TAS2R4: variants seen among roughly 807,000 people sequenced by gnomAD.
TAS2R4 encodes taste 2 receptor member 4.
In TAS2R4, 18 loss-of-function variants were observed where a neutral mutation model predicts 14.3. The ratio of observed to expected loss-of-function variants is 1.26; its 90% CI spans 0.87 to 1.86. The LOEUF (loss-of-function observed/expected upper bound fraction) is 1.86. TAS2R4 is among the 40% of genes most tolerant of loss of function. TAS2R4 has a pLI of 0.00. For missense variants in TAS2R4, 306 were observed against 342.7 expected (o/e 0.89, Z 0.85); for synonymous variants, 130 against 138.5 (o/e 0.94, Z 0.43).
At position 141,780,217 on chromosome 7, in the gene TAS2R4, A is replaced by G. The variant is rs1223288326; in HGVS notation, c.*829A>G. Reference sequence around the variant, plus strand: ...AGCAAGACTCTGTCTCAAAAAAAGAAATAGACGTACACTCTGGGACAAGAC... The same window carrying G: ...AGCAAGACTCTGTCTCAAAAAAAGAGATAGACGTACACTCTGGGACAAGAC... On this transcript the variant is annotated 3_prime_UTR_variant, in exon 1 of 1. Transcript: ENST00000247881. 1.3e-5 allele frequency: 2 copies of G among 152,272 alleles called. No homozygotes were observed. Among genetic ancestry groups the G allele is most frequent in the African/African-American group, 4.8e-5 (2 of 41,420 alleles). The allele number at this position is 152,272 out of a possible 1,614,324, so 9.4% of individuals were successfully genotyped here.
Position 141,779,397 on chromosome 7 carries a change from C to G in TAS2R4, c.*9C>G. On this transcript the variant is annotated 3_prime_UTR_variant, in exon 1 of 1. Transcript: ENST00000247881. Reference sequence around the variant, plus strand: ...TTTGTTTCAAAAAATAGTGGAATTTCAGTAAACAATACCTAGATTTACCTG... The same window carrying G: ...TTTGTTTCAAAAAATAGTGGAATTTGAGTAAACAATACCTAGATTTACCTG... 6.3e-7 allele frequency: 1 copy of G among 1,589,514 alleles called. No homozygotes were observed. Among genetic ancestry groups the G allele is most frequent in the South Asian group, 1.1e-5 (1 of 87,594 alleles).
Position 141,780,429 on chromosome 7 carries a change from C to CT in TAS2R4, c.*1043dup, listed in dbSNP as rs1563039666. ...AAATCTTAAAATCCAGGGAAACCAG[C>CT]TTAAGGTCAAAGGCAAGTGCTAGAT... On this transcript the variant is annotated 3_prime_UTR_variant, in exon 1 of 1. Transcript: ENST00000247881. The CT allele has an allele frequency of 6.6e-6, 1 of 152,248 alleles. No homozygotes were observed. Among genetic ancestry groups the CT allele is most frequent in the East Asian group, 1.9e-4 (1 of 5,178 alleles). 9.4% of individuals were successfully genotyped at this position (152,248 alleles called of 1,614,324 possible). A position where few individuals can be genotyped will look rare whatever the true frequency, so the allele number is the denominator to read the frequency against.
Position 141,777,786 on chromosome 7 carries a change from A to C in TAS2R4, c.-703A>C, listed in dbSNP as rs1425043293. Among the ~76,000 whole-genome samples the C allele has an allele frequency of 7.4e-6, 1 of 134,652 alleles. No homozygotes were observed. Among genetic ancestry groups the C allele is most frequent in the East Asian group, 2.7e-4 (1 of 3,648 alleles). 88.3% of individuals were successfully genotyped at this position (134,652 alleles called of 152,430 possible). Reference sequence around the variant, plus strand: ...CCAGAACATAGCAAATGGTTATGGCACAAATCTATGTATGTAGATAGAGAA... The same window carrying C: ...CCAGAACATAGCAAATGGTTATGGCCCAAATCTATGTATGTAGATAGAGAA... On this transcript the variant is annotated 5_prime_UTR_variant, in exon 1 of 1. Coordinates refer to ENST00000247881, the MANE Select transcript of TAS2R4 (RefSeq NM_016944.2).
Position 141,781,065 on chromosome 7 carries a change from G to A in TAS2R4, c.*1677G>A, listed in dbSNP as rs553185692. The stretch of plus-strand genomic sequence containing the variant: ...CTCTTCCATAGTAATCAAATCATTA[G>A]CTGTTCAGAATTTTGGCAGCAAATT... On this transcript the variant is annotated 3_prime_UTR_variant, in exon 1 of 1. Coordinates refer to ENST00000247881, the MANE Select transcript of TAS2R4 (RefSeq NM_016944.2). 6.4e-4 allele frequency among the ~76,000 whole-genome samples: 97 copies of A among 152,052 alleles called. No individual in the cohort carries two copies. The highest frequency in any genetic ancestry group is 1.2e-3 in the Non-Finnish European group (81 of 68,008).
Position 141,779,712 on chromosome 7 carries a change from G to C in TAS2R4, c.*324G>C, listed in dbSNP as rs1800296869. The C allele has an allele frequency of 1.6e-5, 4 of 244,254 alleles. No homozygotes were observed. Among genetic ancestry groups the C allele is most frequent in the Admixed American group, 1.0e-4 (2 of 19,692 alleles). 15.1% of individuals were successfully genotyped at this position (244,254 alleles called of 1,614,324 possible). A position where few individuals can be genotyped will look rare whatever the true frequency, so the allele number is the denominator to read the frequency against. On this transcript the variant is annotated 3_prime_UTR_variant, in exon 1 of 1. Transcript: ENST00000247881. Reference sequence around the variant, plus strand: ...TATAATGGGAAATTCTTCCAAATTAGAGAACACATTGGGGTGCACGTGATG... The same window carrying C: ...TATAATGGGAAATTCTTCCAAATTACAGAACACATTGGGGTGCACGTGATG...
At position 141,779,277 on chromosome 7, in the gene TAS2R4, C is replaced by T. The variant is rs746880299; in HGVS notation, c.789C>T (p.Ser263=). The T allele has an allele frequency of 1.9e-6, 3 of 1,614,166 alleles. No homozygotes were observed. The highest frequency in any genetic ancestry group is 2.2e-5 in the South Asian group (2 of 91,084). The change falls in exon 1 of 1, where the codon TCC becomes TCT. Residue 263 remains serine, a synonymous_variant. Transcript: ENST00000247881. ...FYAGMDMGTK[S]ICLIFATLYS... is the part of the protein sequence containing the mutation. ...CAGGGATGGATATGGGGACCAAATC[C>T]ATTTGTCTGATTTTTGCCACCCTTT...
rs1800248139 is a variant in TAS2R4, at chr7:141,776,751, G to T, written c.-1738G>T. On this transcript the variant is annotated 5_prime_UTR_variant, in exon 1 of 1. Coordinates refer to ENST00000247881, the MANE Select transcript of TAS2R4 (RefSeq NM_016944.2). Reference sequence around the variant, plus strand: ...TTATCATCCTTATCATCATGATAAGGAAAACAGCTAGGAAGTTTAACCATA... The same window carrying T: ...TTATCATCCTTATCATCATGATAAGTAAAACAGCTAGGAAGTTTAACCATA... 6.6e-6 allele frequency among the ~76,000 whole-genome samples: 1 copy of T among 151,722 alleles called. No individual in the cohort carries two copies. The highest frequency in any genetic ancestry group is 2.1e-4 in the South Asian group (1 of 4,796).
At position 141,781,685 on chromosome 7, in the gene TAS2R4, A is replaced by C. The variant is rs1315818633; in HGVS notation, c.*2297A>C. Among the ~76,000 whole-genome samples the C allele has an allele frequency of 6.6e-6, 1 of 152,028 alleles. No homozygotes were observed. Among genetic ancestry groups the C allele is most frequent in the Non-Finnish European group, 1.5e-5 (1 of 67,998 alleles). On this transcript the variant is annotated 3_prime_UTR_variant, in exon 1 of 1. Transcript: ENST00000247881. ...GAGGAATCAATAAATTTTTTTGTGT[A>C]TTTCAAGTTTTCTATAATGAACATT... is the stretch of plus-strand genomic sequence containing the variant.
rs1050411881 is a variant in TAS2R4, at chr7:141,779,326, A to G, written c.838A>G (p.Ile280Val). The change falls in exon 1 of 1, where the codon ATT (isoleucine) becomes GTT (valine). Residue 280 changes from isoleucine (I) to valine (V), a missense_variant. Coordinates refer to ENST00000247881, the MANE Select transcript of TAS2R4 (RefSeq NM_016944.2). ...TLYSPGHSVLIIITHPKLKTT... is the reference protein window; with the variant it reads ...TLYSPGHSVLVIITHPKLKTT... ...TTACTCTCCAGGACATTCTGTTCTCATTATTATCACACATCCTAAACTGAA... is the reference window on the plus strand; with the variant it reads ...TTACTCTCCAGGACATTCTGTTCTCGTTATTATCACACATCCTAAACTGAA... The G allele has an allele frequency of 1.2e-6, 2 of 1,614,072 alleles. No homozygotes were observed. The highest frequency in any genetic ancestry group is 2.7e-5 in the African/African-American group (2 of 75,022).
rs2214838 is a variant in TAS2R4, at chr7:141,780,413, A to G, written c.*1025A>G. 64,087 of 152,044 alleles carry G rather than the reference A, an allele frequency of 0.42. 14,527 individuals are homozygous for G. Among genetic ancestry groups the G allele is most frequent in the East Asian group, 0.69 (3,549 of 5,174 alleles). 9.4% of individuals were successfully genotyped at this position (152,044 alleles called of 1,614,324 possible). On this transcript the variant is annotated 3_prime_UTR_variant, in exon 1 of 1. Transcript: ENST00000247881. ...TCAAGAATGGTTCCAAAAATCTTAA[A>G]ATCCAGGGAAACCAGCTTAAGGTCA...
rs374409939 is a variant in TAS2R4 at position 141,777,557 on chromosome 7, G to A, written c.-932G>A. 2.7e-4 allele frequency among the ~76,000 whole-genome samples: 41 copies of A among 152,250 alleles called. No homozygotes were observed. The highest frequency in any genetic ancestry group is 8.9e-4 in the African/African-American group (37 of 41,554). Reference sequence around the variant, plus strand: ...GGATATTTTGCCATTTCCCATCTGAGCAAGTACAGAGAAATCCAGCAATGA... The same window carrying A: ...GGATATTTTGCCATTTCCCATCTGAACAAGTACAGAGAAATCCAGCAATGA... On this transcript the variant is annotated 5_prime_UTR_variant, in exon 1 of 1. Coordinates refer to ENST00000247881, the MANE Select transcript of TAS2R4 (RefSeq NM_016944.2).
rs1405221627 is a variant in TAS2R4, at chr7:141,778,370, G to A, written c.-119G>A. The A allele has an allele frequency of 3.2e-6, 3 of 950,458 alleles. No homozygotes were observed. The highest frequency in any genetic ancestry group is 4.6e-6 in the Non-Finnish European group (3 of 649,868). The allele number at this position is 950,458 out of a possible 1,614,324, so 58.9% of individuals were successfully genotyped here. A position where few individuals can be genotyped will look rare whatever the true frequency, so the allele number is the denominator to read the frequency against. ...TCATGAATGGCTCATTTGCCATGCT[G>A]GGAAAAATTAAAAAGGAGATGTCCT... On this transcript the variant is annotated 5_prime_UTR_variant, in exon 1 of 1. The change creates a premature stop within an existing upstream ORF in the 5' untranslated region. Transcript: ENST00000247881.
chr7:141,779,234 A>C lies in TAS2R4; in HGVS notation c.746A>C (p.Gln249Pro). ...YIPYSVATLVQYLPFYAGMDM... is the reference protein window; with the variant it reads ...YIPYSVATLVPYLPFYAGMDM... The stretch of plus-strand genomic sequence containing the variant: ...CCATATTCAGTTGCTACCCTGGTCC[A>C]GTATCTCCCCTTTTATGCAGGGATG... Residue 249 changes from glutamine to proline, a missense_variant, in exon 1 of 1, where the codon CAG becomes CCG. Coordinates refer to ENST00000247881, the MANE Select transcript of TAS2R4 (RefSeq NM_016944.2). The C allele has an allele frequency of 6.2e-7, 1 of 1,614,198 alleles. No individual in the cohort carries two copies. The highest frequency in any genetic ancestry group is 8.5e-7 in the Non-Finnish European group (1 of 1,180,028).
rs767914341 is a variant in TAS2R4 at position 141,779,215 on chromosome 7, T to G, written c.727T>G (p.Ser243Ala). The change falls in exon 1 of 1, where the codon TCA becomes GCA. Residue 243 changes from serine (S) to alanine (A), a missense_variant. Coordinates refer to ENST00000247881, the MANE Select transcript of TAS2R4 (RefSeq NM_016944.2). The part of the protein sequence containing the change: ...VYFLILYIPY[S>A]VATLVQYLPF... ...TTTCCTCATCCTCTACATTCCATAT[T>G]CAGTTGCTACCCTGGTCCAGTATCT... The G allele has an allele frequency of 6.2e-7, 1 of 1,614,214 alleles. No homozygotes were observed. The highest frequency in any genetic ancestry group is 1.1e-5 in the South Asian group (1 of 91,086).
Position 141,778,100 on chromosome 7 carries a change from G to C in TAS2R4, c.-389G>C, listed in dbSNP as rs1449994753. ...CACCATATTCTGGCATTTTTATGAA[G>C]AAAAACTTTACCGTAAAACATTGAC... On this transcript the variant is annotated 5_prime_UTR_variant, in exon 1 of 1. Coordinates refer to ENST00000247881, the MANE Select transcript of TAS2R4 (RefSeq NM_016944.2). Among the ~76,000 whole-genome samples the C allele has an allele frequency of 6.6e-6, 1 of 152,254 alleles. No individual in the cohort carries two copies. The highest frequency in any genetic ancestry group is 2.4e-5 in the African/African-American group (1 of 41,552).
In TAS2R4 at chr7:141,777,674, A is replaced by G. The variant is rs930160177; in HGVS notation, c.-815A>G. Among the ~76,000 whole-genome samples the G allele has an allele frequency of 5.9e-5, 9 of 152,222 alleles. No homozygotes were observed. The highest frequency in any genetic ancestry group is 1.9e-4 in the African/African-American group (8 of 41,454). On this transcript the variant is annotated 5_prime_UTR_variant, in exon 1 of 1. Transcript: ENST00000247881. ...CTGGATTGACAGTTAAATGCCTAAG[A>G]GAAAATAGCCACATATGATCTAAAC...
chr7:141,778,388 G>A lies in TAS2R4; in HGVS notation c.-101G>A, dbSNP rs1001996581. The A allele has an allele frequency of 1.2e-5, 14 of 1,129,646 alleles. No individual in the cohort carries two copies. The highest frequency in any genetic ancestry group is 1.5e-5 in the Non-Finnish European group (12 of 804,252). The allele number at this position is 1,129,646 out of a possible 1,614,324, so 70.0% of individuals were successfully genotyped here. A position where few individuals can be genotyped will look rare whatever the true frequency, so the allele number is the denominator to read the frequency against. On this transcript the variant is annotated 5_prime_UTR_variant, in exon 1 of 1. Coordinates refer to ENST00000247881, the MANE Select transcript of TAS2R4 (RefSeq NM_016944.2). ...CCATGCTGGGAAAAATTAAAAAGGA[G>A]ATGTCCTTCCTGGCTGGATACTGGT... is the stretch of plus-strand genomic sequence containing the variant.
In TAS2R4 at chr7:141,778,284, G is replaced by C. The variant is rs114605857; in HGVS notation, c.-205G>C. 1.4e-4 allele frequency among the ~76,000 whole-genome samples: 22 copies of C among 152,276 alleles called. No individual in the cohort carries two copies. Among genetic ancestry groups the C allele is most frequent in the African/African-American group, 5.1e-4 (21 of 41,544 alleles). On this transcript the variant is annotated 5_prime_UTR_variant, in exon 1 of 1. The change abolishes an upstream ATG in the 5' untranslated region. Coordinates refer to ENST00000247881, the MANE Select transcript of TAS2R4 (RefSeq NM_016944.2). Reference sequence around the variant, plus strand: ...TTTCTAAGGAGAACAGGATACTAATGAAGAAATAGTAATGTAATCCTTGGA... The same window carrying C: ...TTTCTAAGGAGAACAGGATACTAATCAAGAAATAGTAATGTAATCCTTGGA...
In TAS2R4 at chr7:141,779,449, T is replaced by C. The variant is rs1800293248; in HGVS notation, c.*61T>C. The C allele has an allele frequency of 6.7e-7, 1 of 1,482,304 alleles. No individual in the cohort carries two copies. The allele number at this position is 1,482,304 out of a possible 1,614,324, so 91.8% of individuals were successfully genotyped here. ...TGGTTTGGGGGCAAGATTTTCTGTT[T>C]GCAGTTTTCCCAGTGATCTGGGGAA... On this transcript the variant is annotated 3_prime_UTR_variant, in exon 1 of 1. Coordinates refer to ENST00000247881, the MANE Select transcript of TAS2R4 (RefSeq NM_016944.2).
Sources: allele counts gnomAD v4.1 joint callset (sites outside exome capture counted in the v4.1 genomes callset), GRCh38; gene constraint gnomAD v4.1.1; transcripts MANE v1.5; gene names NCBI Gene and HGNC (gene_info 2026-07-23, HGNC 2026-07-21).